The following NFXL1 variants were observed in gnomAD, a reference collection of about 807,000 sequenced individuals.
NFXL1 encodes NF-X1-type zinc finger protein NFXL1.
In NFXL1, 66 loss-of-function variants were observed where a neutral mutation model predicts 123.3. The observed-to-expected ratio is 0.54, with a 90% CI of 0.44 to 0.66. The LOEUF (loss-of-function observed/expected upper bound fraction) is 0.66, where lower values mean the gene tolerates loss of function less well. Among genes scored for constraint, NFXL1 ranks in the 30% least tolerant of loss-of-function variants. NFXL1 has a pLI of 0.00. For missense variants in NFXL1, 944 were observed against 1,125.6 expected (o/e 0.84, Z 2.31); for synonymous variants, 346 against 360.8 (o/e 0.96, Z 0.46).
chr4:47,848,384 T>C, intron 22 of NFXL1, 48 bp from the exon 23 acceptor site: 2 of 1,365,966 alleles, frequency 1.5e-6, no homozygotes, highest in Middle Eastern at 1.8e-4. Flanking sequence ...CATACATTGA[T>C]TTGAAAGTTT....
intron 10 of NFXL1, among the ~76,000 whole-genome samples, chr4:47,895,056 T>C (rs772595708): frequency 3.3e-5 from 5 of 152,208 alleles, no homozygotes; most frequent in Non-Finnish European, 7.3e-5. Context: ...ATCAGAGCTC[T>C]TGGGTGACCA....
chr4:47,854,976 A>G (rs1251603384), intron 20 of NFXL1, 83 bp downstream of exon 20: 9 of 522,884 alleles, frequency 1.7e-5, no homozygotes, highest in Non-Finnish European at 3.0e-5. Context: ...CTACCAAAAC[A>G]CATAGATCAA....
At chr4:47,879,043 T>C (rs1735925838) in intron 16 of NFXL1, 53 bp downstream of exon 16, 2 of 1,029,336 alleles carry the variant, frequency 1.9e-6, no homozygotes, top group South Asian at 1.5e-5. Context: ...GTTATACTAG[T>C]ATGTAACAGT....
rs573265414 is a variant in NFXL1, at chr4:47,886,845, C to T, written c.1544-846G>A. Reference sequence around the variant, plus strand: ...GAAAATTTAACATTAACAATAATATCGTTGGCCTACTTTCATACATCTATC... The same window carrying T: ...GAAAATTTAACATTAACAATAATATTGTTGGCCTACTTTCATACATCTATC... On this transcript the variant is annotated intron_variant, in intron 12 of 22. Transcript: ENST00000507489. Among the ~76,000 whole-genome samples the T allele has an allele frequency of 1.4e-4, 22 of 152,226 alleles. No individual in the cohort carries two copies. In the South Asian group the frequency reaches 2.3e-3, roughly 16 times the overall value.
intron 20 of NFXL1, among the ~76,000 whole-genome samples, chr4:47,852,393 T>C (rs1309612863): frequency 1.3e-5 from 2 of 152,108 alleles, no homozygotes; most frequent in African/African-American, 4.8e-5. Context: ...GCACTTGAAA[T>C]GTGGGTAGTG....
chr4:47,896,864 T>C (rs1187035607), intron 9 of NFXL1, among the ~76,000 whole-genome samples: 1 of 152,216 alleles, frequency 6.6e-6, no homozygotes, highest in Non-Finnish European at 1.5e-5. Flanking sequence ...CAAGTTACTA[T>C]CCTCAAGAAA....
chr4:47,886,124 A>C (rs1208211464), intron 12 of NFXL1, 125 bp from the exon 13 acceptor site: 4 of 777,588 alleles, frequency 5.1e-6, no homozygotes, highest in Non-Finnish European at 6.3e-6. Flanking sequence ...AGAAACTACA[A>C]CAACATGAAT....
At chr4:47,877,641 T>A (rs1187312397) in intron 17 of NFXL1, among the ~76,000 whole-genome samples, 1 of 152,074 alleles carries the variant, frequency 6.6e-6, no homozygotes, top group Non-Finnish European at 1.5e-5. Context: ...GGTCAAGGCA[T>A]GGATCAATGA....
At chr4:47,862,762 A>T in intron 19 of NFXL1, 84 bp downstream of exon 19, 1 of 801,988 alleles carries the variant, frequency 1.2e-6, no homozygotes, top group Admixed American at 2.4e-5. Flanking sequence ...AAGACCTGAA[A>T]TAATTTGACC....
Position 47,911,394 on chromosome 4 carries a change from A to C in NFXL1, c.236-400T>G, listed in dbSNP as rs556433318. ...GAGGGAACATGTCCACAGTGAGCACATAAAGAATCAGGGAAGGTAGGTATT... is the reference window on the plus strand; with the variant it reads ...GAGGGAACATGTCCACAGTGAGCACCTAAAGAATCAGGGAAGGTAGGTATT... On this transcript the variant is annotated intron_variant, in intron 2 of 22. Transcript: ENST00000507489. Among the ~76,000 whole-genome samples the C allele has an allele frequency of 1.2e-4, 19 of 152,362 alleles. No homozygotes were observed. The East Asian group carries it at 3.7e-3, about 29-fold the overall frequency.
intron 5 of NFXL1, among the ~76,000 whole-genome samples, chr4:47,900,423 C>T: frequency 6.6e-6 from 1 of 152,174 alleles, no homozygotes; most frequent in Admixed American, 6.5e-5. Flanking sequence ...GTTGGCCAGG[C>T]TGGTCTTAAC....
At chr4:47,890,450 G>C (rs1193417439) in intron 12 of NFXL1, among the ~76,000 whole-genome samples, 163 bp downstream of exon 12, 1 of 152,090 alleles carries the variant, frequency 6.6e-6, no homozygotes, top group Non-Finnish European at 1.5e-5. Context: ...CTATAAAATA[G>C]AGACACTGGC....
intron 5 of NFXL1, among the ~76,000 whole-genome samples, chr4:47,902,405 C>T (rs2110102682): frequency 6.6e-6 from 1 of 151,996 alleles, no homozygotes; most frequent in East Asian, 1.9e-4. Context: ...AAAAGTTCTC[C>T]AGATCAAATA....
intron 10 of NFXL1, among the ~76,000 whole-genome samples, chr4:47,895,317 G>C (rs192286499): frequency 1.3e-5 from 2 of 152,272 alleles, no homozygotes; most frequent in South Asian, 4.1e-4. Flanking sequence ...CCCTTAAGAA[G>C]AAAGTCAGCC....
rs930813150 is a variant in NFXL1, at chr4:47,847,413, G to C, written c.*750C>G. On this transcript the variant is annotated 3_prime_UTR_variant, in exon 23 of 23. Coordinates refer to ENST00000507489, the MANE Select transcript of NFXL1 (RefSeq NM_001278624.2). The stretch of plus-strand genomic sequence containing the variant: ...TTAAGATTGTGGTAAGGAGAAACGA[G>C]ATTAAGGTACATAGACCTCATAAGC... The C allele has an allele frequency of 6.6e-6, 1 of 152,198 alleles. No homozygotes were observed. Among genetic ancestry groups the C allele is most frequent in the African/African-American group, 2.4e-5 (1 of 41,448 alleles). The allele number at this position is 152,198 out of a possible 1,614,324, so 9.4% of individuals were successfully genotyped here.
intron 18 of NFXL1, among the ~76,000 whole-genome samples, chr4:47,873,709 C>G (rs1466025115): frequency 6.6e-6 from 1 of 152,150 alleles, no homozygotes; most frequent in Non-Finnish European, 1.5e-5. Flanking sequence ...TGAGTACTGG[C>G]TTCAATTTAA....
chr4:47,874,643 A>G (rs1161137437), intron 18 of NFXL1, among the ~76,000 whole-genome samples: 2 of 152,214 alleles, frequency 1.3e-5, no homozygotes, highest in Admixed American at 1.3e-4. Context: ...GAAATGTGAC[A>G]GAGACACAAA....
intron 10 of NFXL1, among the ~76,000 whole-genome samples, chr4:47,896,240 T>TGTTGGAAAAATGGA (rs2110095952): frequency 6.6e-6 from 1 of 152,328 alleles, no homozygotes; most frequent in Admixed American, 6.5e-5. Flanking sequence ...GAGCACATAC[T>TGTTGGAAAAATGGA]GTTGGAAAAA....
chr4:47,912,106 A>T (rs960538058), intron 2 of NFXL1, among the ~76,000 whole-genome samples: 1 of 152,202 alleles, frequency 6.6e-6, no homozygotes, highest in African/African-American at 2.4e-5. Flanking sequence ...GGGGTTATTA[A>T]CAAAACAAAT....
Sources: allele counts gnomAD v4.1 joint callset (sites outside exome capture counted in the v4.1 genomes callset), GRCh38; gene constraint gnomAD v4.1.1; transcripts MANE v1.5; gene names NCBI Gene and HGNC (gene_info 2026-07-23, HGNC 2026-07-21).